PDE4B: variants seen among roughly 807,000 people sequenced by gnomAD.
PDE4B encodes the protein phosphodiesterase 4B, also known as 3',5'-cyclic-AMP phosphodiesterase 4B.
Under a neutral mutation model 82.2 loss-of-function variants are expected in PDE4B, and 20 were observed. The ratio of observed to expected loss-of-function variants is 0.24; its 90% CI spans 0.17 to 0.35. PDE4B has a LOEUF of 0.35. PDE4B is among the 10% of genes least tolerant of loss of function. The probability of loss-of-function intolerance (pLI) is 1.00; values close to 1 mark genes in which losing one functional copy is unlikely to be tolerated. For synonymous variants in PDE4B, 320 were observed against 318.9 expected, an observed-to-expected ratio of 1.00 and a Z score of -0.04; for missense variants, 655 against 907.2, an observed-to-expected ratio of 0.72 and a Z score of 3.57.
At chr1:66,256,399 T>C (rs550066531) in intron 4 of PDE4B, among the ~76,000 whole-genome samples, 2 of 152,240 alleles carry the variant, frequency 1.3e-5, no homozygotes, top group African/African-American at 4.8e-5. Context: ...TTAAATGAGA[T>C]AATACATGTA....
At chr1:66,340,525 T>C (rs1660900649) in intron 8 of PDE4B, among the ~76,000 whole-genome samples, 1 of 152,164 alleles carries the variant, frequency 6.6e-6, no homozygotes, top group Non-Finnish European at 1.5e-5. Flanking sequence ...GTTTAGTAAA[T>C]TTATTAAAAT....
intron 3 of PDE4B, among the ~76,000 whole-genome samples, chr1:65,953,917 A>G (rs189353120): frequency 2.0e-5 from 3 of 152,026 alleles, no homozygotes; most frequent in African/African-American, 7.2e-5. Context: ...TTTTCTGTTT[A>G]AGATGGAGTC....
At chr1:66,123,826 A>G (rs1570290216) in intron 3 of PDE4B, among the ~76,000 whole-genome samples, 1 of 152,262 alleles carries the variant, frequency 6.6e-6, no homozygotes, top group Middle Eastern at 3.4e-3. Flanking sequence ...CCCTTAGCCT[A>G]CCAGTGGCTT....
intron 3 of PDE4B, among the ~76,000 whole-genome samples, chr1:66,043,649 GA>G (rs1164917903): frequency 5.9e-5 from 9 of 151,840 alleles, no homozygotes; most frequent in Admixed American, 5.9e-4. Context: ...ACGAAACCAT[GA>G]AAGTCAAACT....
chr1:66,365,137 G>A (rs555939264), intron 12 of PDE4B, among the ~76,000 whole-genome samples: 2 of 152,312 alleles, frequency 1.3e-5, no homozygotes, highest in East Asian at 1.9e-4. Context: ...TAAGTGATTA[G>A]TGGGTACGTA....
intron 3 of PDE4B, among the ~76,000 whole-genome samples, chr1:66,091,782 A>G (rs564960188): frequency 5.9e-5 from 9 of 152,208 alleles, no homozygotes; most frequent in African/African-American, 2.2e-4. Context: ...GGAGGCCATT[A>G]AATAACTGTT....
At chr1:66,113,648 C>A (rs926643561) in intron 3 of PDE4B, among the ~76,000 whole-genome samples, 1 of 152,058 alleles carries the variant, frequency 6.6e-6, no homozygotes, top group East Asian at 1.9e-4. Context: ...GAGCATGATT[C>A]CATATGTAAG....
intron 3 of PDE4B, among the ~76,000 whole-genome samples, chr1:65,934,188 G>A (rs913268512): frequency 3.3e-5 from 5 of 152,280 alleles, no homozygotes; most frequent in African/African-American, 1.2e-4. Context: ...AAGGAAGACA[G>A]CATGAGAGAG....
At chr1:66,079,532 C>T (rs944821540) in intron 3 of PDE4B, among the ~76,000 whole-genome samples, 1 of 152,086 alleles carries the variant, frequency 6.6e-6, no homozygotes, top group Non-Finnish European at 1.5e-5. Flanking sequence ...CATGTAATGC[C>T]ACTCACCAAA....
intron 1 of PDE4B, among the ~76,000 whole-genome samples, chr1:65,889,948 A>G (rs1431538338): frequency 6.6e-6 from 1 of 152,144 alleles, no homozygotes; most frequent in African/African-American, 2.4e-5. Context: ...AAGGTTAAAC[A>G]TACCCCAAAA....
chr1:66,343,587 A>C (rs1661178683), intron 8 of PDE4B, among the ~76,000 whole-genome samples: 1 of 152,144 alleles, frequency 6.6e-6, no homozygotes, highest in Non-Finnish European at 1.5e-5. Context: ...AATGTTTGAG[A>C]CTCCACTTTC....
chr1:65,951,018 A>G (rs148023696), intron 3 of PDE4B, among the ~76,000 whole-genome samples: 3 of 152,176 alleles, frequency 2.0e-5, no homozygotes, highest in African/African-American at 7.2e-5. Context: ...GTGGAATTAT[A>G]CTCAATCCCA....
intron 1 of PDE4B, among the ~76,000 whole-genome samples, chr1:65,797,415 C>A (rs1570943682): frequency 6.6e-6 from 1 of 152,132 alleles, no homozygotes; most frequent in Admixed American, 6.5e-5. Flanking sequence ...CTATTTAAAT[C>A]TTGTATTTTA....
At chr1:66,337,321 G>A (rs985533496) in intron 8 of PDE4B, among the ~76,000 whole-genome samples, 3 of 152,180 alleles carry the variant, frequency 2.0e-5, no homozygotes, top group Non-Finnish European at 4.4e-5. Context: ...GAGCAGCTTT[G>A]CTCCCCTCTC....
intron 3 of PDE4B, among the ~76,000 whole-genome samples, chr1:65,931,059 G>T (rs908405778): frequency 2.0e-5 from 3 of 152,188 alleles, no homozygotes; most frequent in Non-Finnish European, 2.9e-5. Flanking sequence ...TCCCCTCAGT[G>T]CTGTCCTCAT....
intron 3 of PDE4B, among the ~76,000 whole-genome samples, chr1:66,243,614 G>A (rs1029285198): frequency 3.3e-5 from 5 of 152,168 alleles, no homozygotes; most frequent in African/African-American, 1.2e-4. Flanking sequence ...GGCATGAACT[G>A]AATTTTGAAG....
chr1:65,890,622 A>T (rs1646842782), intron 1 of PDE4B, among the ~76,000 whole-genome samples: 1 of 152,074 alleles, frequency 6.6e-6, no homozygotes, highest in South Asian at 2.1e-4. Context: ...GTCAGCTGCA[A>T]TCAGAGTTGT....
intron 3 of PDE4B, among the ~76,000 whole-genome samples, chr1:66,233,038 A>G (rs1652110465): frequency 1.3e-5 from 2 of 152,174 alleles, no homozygotes; most frequent in South Asian, 4.1e-4. Flanking sequence ...TACAATTCAG[A>G]CACATATACA....
At chr1:65,817,308 C>G (rs1186466300) in intron 1 of PDE4B, among the ~76,000 whole-genome samples, 1 of 152,094 alleles carries the variant, frequency 6.6e-6, no homozygotes, top group Non-Finnish European at 1.5e-5. Context: ...ACAGGGAACC[C>G]AAGTGTAGCT....
Sources: allele counts gnomAD v4.1 joint callset (sites outside exome capture counted in the v4.1 genomes callset), GRCh38; gene constraint gnomAD v4.1.1; transcripts MANE v1.5; gene names NCBI Gene and HGNC (gene_info 2026-07-23, HGNC 2026-07-21).